Variants in TXLNA observed in about 807,000 individuals in gnomAD.
TXLNA encodes alpha-taxilin.
A neutral mutation model predicts 61.4 loss-of-function variants in TXLNA; 9 were observed. The observed-to-expected ratio is 0.15, with a 90% CI of 0.09 to 0.26. The LOEUF (loss-of-function observed/expected upper bound fraction) is 0.26, where lower values mean the gene tolerates loss of function less well. TXLNA is among the 10% of genes least tolerant of loss of function. The pLI is 1.00. For synonymous variants in TXLNA, 257 were observed against 267.7 expected (o/e 0.96, Z 0.39); for missense variants, 565 against 688.8 (o/e 0.82, Z 2.01).
intron 3 of TXLNA, among the ~76,000 whole-genome samples, chr1:32,182,813 A>G (rs1642695869): frequency 6.6e-6 from 1 of 151,434 alleles, no homozygotes; most frequent in African/African-American, 2.4e-5. Context: ...CACACCTGTA[A>G]CTCCAGCACT....
At position 32,194,137 on chromosome 1, in the gene TXLNA, G is replaced by A. The variant is rs1642964270; in HGVS notation, c.1324G>A (p.Ala442Thr). The stretch of plus-strand genomic sequence containing the variant: ...GTCCCGGTGGGAGAGCAGCAACAAG[G>A]CCCTGCTTGAGATGGCTGAGGAGGT... ...YRSRWESSNK[A>T]LLEMAEEKTV... Residue 442 changes from alanine (A) to threonine (T), a missense_variant, in exon 10 of 11, where the codon GCC becomes ACC. Around this residue, in one of 2 missense-constraint regions of TXLNA, gnomAD observed 373 missense variants for 504.0 expected, o/e 0.74. Transcript: ENST00000373610. The A allele has an allele frequency of 5.0e-6, 8 of 1,613,868 alleles. No individual in the cohort carries two copies. The highest frequency in any genetic ancestry group is 5.9e-6 in the Non-Finnish European group (7 of 1,179,898).
intron 1 of TXLNA, 188 bp from the exon 2 acceptor site, chr1:32,180,126 C>A: frequency 1.9e-6 from 1 of 525,818 alleles, no homozygotes; most frequent in South Asian, 2.7e-5. Flanking sequence ...GGAGCTGCGC[C>A]CCGAAAGCCT....
At chr1:32,191,194 G>A (rs1238602333) in intron 6 of TXLNA, among the ~76,000 whole-genome samples, 2 of 151,928 alleles carry the variant, frequency 1.3e-5, no homozygotes, top group African/African-American at 4.8e-5. Context: ...CCAGTCACCT[G>A]GCTGTTCTGG....
intron 3 of TXLNA, among the ~76,000 whole-genome samples, chr1:32,182,056 C>T (rs774498255): frequency 3.3e-4 from 50 of 150,008 alleles, no homozygotes; most frequent in Non-Finnish European, 5.6e-4. Context: ...TCTCAGCTAG[C>T]CAACTGAGAG....
chr1:32,181,855 C>G (rs998817086), intron 3 of TXLNA, among the ~76,000 whole-genome samples: 19 of 152,216 alleles, frequency 1.2e-4, no homozygotes, highest in African/African-American at 4.1e-4. Context: ...GGGTAGGCTC[C>G]TGTGCCAGCC....
chr1:32,191,808 TTC>T (rs1351225038), intron 6 of TXLNA, among the ~76,000 whole-genome samples: 2 of 152,250 alleles, frequency 1.3e-5, no homozygotes, highest in East Asian at 1.9e-4. Context: ...TCTCCATCCC[TTC>T]TCTCTCACCT....
rs1643004354 is a variant in TXLNA at position 32,195,707 on chromosome 1, G to A, written c.*512G>A. 4.4e-6 allele frequency: 2 copies of A among 456,412 alleles called. No individual in the cohort carries two copies. Among genetic ancestry groups the A allele is most frequent in the Admixed American group, 2.3e-5 (1 of 42,578 alleles). 28.3% of individuals were successfully genotyped at this position (456,412 alleles called of 1,614,324 possible). On this transcript the variant is annotated 3_prime_UTR_variant, in exon 11 of 11. Transcript: ENST00000373610. ...TTGATTCTCTAGACCTGGAAAAGGT[G>A]TCCCTAGGCAGAGCCCTGGCAGGGC...
intron 6 of TXLNA, among the ~76,000 whole-genome samples, chr1:32,191,602 G>A (rs774896536): frequency 6.6e-6 from 1 of 152,108 alleles, no homozygotes; most frequent in Non-Finnish European, 1.5e-5. Context: ...GGAGAAGGAG[G>A]TGCAGGACTA....
At chr1:32,191,159 C>T (rs1436454718) in intron 6 of TXLNA, among the ~76,000 whole-genome samples, 2 of 151,674 alleles carry the variant, frequency 1.3e-5, no homozygotes, top group Non-Finnish European at 2.9e-5. Flanking sequence ...CCACCCCAGG[C>T]ACTTGAATCT....
In TXLNA at chr1:32,196,396, C is replaced by G. The variant is rs1643025655; in HGVS notation, c.*1201C>G. ...GTCCTGATTCTATTTCCTGGCACCT[C>G]CCTGCCTGTCCTTGGGGATTCTACT... On this transcript the variant is annotated 3_prime_UTR_variant, in exon 11 of 11. Coordinates refer to ENST00000373610, the MANE Select transcript of TXLNA (RefSeq NM_175852.4). 6.6e-6 allele frequency: 1 copy of G among 152,276 alleles called. No individual in the cohort carries two copies. Among genetic ancestry groups the G allele is most frequent in the African/African-American group, 2.4e-5 (1 of 41,434 alleles). The allele number at this position is 152,276 out of a possible 1,614,324, so 9.4% of individuals were successfully genotyped here. A position where few individuals can be genotyped will look rare whatever the true frequency, so the allele number is the denominator to read the frequency against.
At chr1:32,191,128 C>G (rs1642897731) in intron 6 of TXLNA, among the ~76,000 whole-genome samples, 1 of 151,792 alleles carries the variant, frequency 6.6e-6, no homozygotes, top group African/African-American at 2.4e-5. Flanking sequence ...GATGTCACTC[C>G]CTTTGTCACT....
intron 4 of TXLNA, among the ~76,000 whole-genome samples, chr1:32,187,529 C>A (rs182234227): frequency 1.9e-4 from 29 of 152,220 alleles, no homozygotes; most frequent in African/African-American, 6.7e-4. Context: ...ATGAACGCAG[C>A]GCTAACGTTT....
Position 32,192,355 on chromosome 1 carries a change from G to C in TXLNA, c.1008G>C (p.Leu336=). ...AACACAAGGACCTACAACAGCAGCT[G>C]GTGGATGCCAAGCTCCAGCAGGCCC... ...VFKHKDLQQQ[L]VDAKLQQAQE... Residue 336 remains leucine (L), a synonymous_variant, in exon 7 of 11, where the codon CTG becomes CTC. Coordinates refer to ENST00000373610, the MANE Select transcript of TXLNA (RefSeq NM_175852.4). The surrounding 1 kb of genome is among the most constrained non-coding windows in gnomAD (Gnocchi z 4.2). 1 of 1,614,226 alleles carries C rather than the reference G, an allele frequency of 6.2e-7. No homozygotes were observed. Among genetic ancestry groups the C allele is most frequent in the South Asian group, 1.1e-5 (1 of 91,084 alleles).
intron 1 of TXLNA, 92 bp from the exon 2 acceptor site, chr1:32,180,222 A>G (rs925444827): frequency 9.1e-6 from 12 of 1,324,170 alleles, no homozygotes; most frequent in African/African-American, 3.0e-5. Flanking sequence ...CGTTTATTTT[A>G]AGAAGCTTTG....
At chr1:32,185,713 A>G (rs1569606475) in intron 4 of TXLNA, among the ~76,000 whole-genome samples, 2 of 112,928 alleles carry the variant, frequency 1.8e-5, no homozygotes, top group South Asian at 2.7e-4. Context: ...TTATTTATTT[A>G]TTCAGAGTCA....
rs563203774 is a variant in TXLNA, at chr1:32,195,421, T to C, written c.*226T>C. On this transcript the variant is annotated 3_prime_UTR_variant, in exon 11 of 11. Transcript: ENST00000373610. ...CCTGTAAGTGTACAGTGGGCTTGCA[T>C]TGGGGATGGGGGTGTGTACAGATGA... 3.4e-5 allele frequency: 20 copies of C among 587,642 alleles called. 1 individual carries two copies. Among genetic ancestry groups the C allele is most frequent in the South Asian group, 2.5e-4 (12 of 47,426 alleles). The allele number at this position is 587,642 out of a possible 1,614,324, so 36.4% of individuals were successfully genotyped here. A position where few individuals can be genotyped will look rare whatever the true frequency, so the allele number is the denominator to read the frequency against.
At chr1:32,189,888 T>TA (rs1383510486) in intron 5 of TXLNA, among the ~76,000 whole-genome samples, 167 bp from the exon 6 acceptor site, 1 of 152,032 alleles carries the variant, frequency 6.6e-6, no homozygotes, top group Non-Finnish European at 1.5e-5. Context: ...TGTCACCTGA[T>TA]ATACAGAGGG....
chr1:32,192,480 G>A lies in TXLNA; in HGVS notation c.1083+50G>A, dbSNP rs1314270388. 6.2e-7 allele frequency: 1 copy of A among 1,607,946 alleles called. No homozygotes were observed. Among genetic ancestry groups the A allele is most frequent in the Admixed American group, 1.7e-5 (1 of 59,772 alleles). ...GGTGGGGGTGGGAGGAGACAGGCTG[G>A]GCTCTGGCTCAGCTCATAGCCGGGT... On this transcript the variant is annotated intron_variant, in intron 7 of 10. Coordinates refer to ENST00000373610, the MANE Select transcript of TXLNA (RefSeq NM_175852.4). This position sits in a 1 kb window ranked among gnomAD's most constrained non-coding sequence, Gnocchi z 4.2.
intron 3 of TXLNA, among the ~76,000 whole-genome samples, chr1:32,183,739 T>A (rs959173988): frequency 1.4e-5 from 2 of 146,268 alleles, no homozygotes; most frequent in East Asian, 2.0e-4. Context: ...CTTTTTTTTT[T>A]AATTAATTAA....
Sources: gnomAD v4.1 joint callset for allele counts (sites outside exome capture counted in the v4.1 genomes callset) on GRCh38, gnomAD v4.1.1 for gene constraint, gnomAD v4.1.1 regional missense constraint, Gnocchi (gnomAD v3.1) non-coding constraint, MANE v1.5 for transcripts, NCBI Gene and HGNC (gene_info 2026-07-23, HGNC 2026-07-21) for gene names.